PEBP4: variants seen among roughly 807,000 people sequenced by gnomAD.
The protein encoded by PEBP4 is phosphatidylethanolamine-binding protein 4.
A neutral mutation model predicts 23.9 loss-of-function variants in PEBP4; 22 were observed. The observed-to-expected ratio is 0.92, with a 90% CI of 0.66 to 1.31. PEBP4 has a LOEUF of 1.31. Among genes scored for constraint, PEBP4 ranks in the 40% most tolerant of loss-of-function variants. The pLI is 0.00. For synonymous variants in PEBP4, 112 were observed against 99.3 expected, an observed-to-expected ratio of 1.13 and a Z score of -0.76; for missense variants, 324 against 281.7, an observed-to-expected ratio of 1.15 and a Z score of -1.07.
intron 3 of PEBP4, among the ~76,000 whole-genome samples, chr8:22,892,042 C>T (rs113745302): frequency 0.019 from 2,917 of 151,178 alleles, 86 homozygotes; most frequent in African/African-American, 0.066. Flanking sequence ...CACTGCAGTC[C>T]GGCCTGGGCG....
chr8:22,779,157 G>T (rs1029337747), intron 4 of PEBP4, among the ~76,000 whole-genome samples: 1 of 152,048 alleles, frequency 6.6e-6, no homozygotes, highest in African/African-American at 2.4e-5. Flanking sequence ...CCAGAGGAGG[G>T]TTTGGGATCC....
At chr8:22,797,373 T>C (rs1806284157) in intron 4 of PEBP4, among the ~76,000 whole-genome samples, 1 of 148,488 alleles carries the variant, frequency 6.7e-6, no homozygotes, top group East Asian at 2.0e-4. Flanking sequence ...GAGGTGATCA[T>C]GCAGCCCAGC....
chr8:22,810,679 TG>T (rs1563223647), intron 4 of PEBP4, among the ~76,000 whole-genome samples: 7 of 101,766 alleles, frequency 6.9e-5, no homozygotes, highest in Admixed American at 2.0e-4. Context: ...GGTGTGTGTG[TG>T]TGTGTGTGTG....
At chr8:22,850,661 G>A (rs1301849994) in intron 3 of PEBP4, among the ~76,000 whole-genome samples, 1 of 152,192 alleles carries the variant, frequency 6.6e-6, no homozygotes, top group African/African-American at 2.4e-5. Context: ...TCTAGTCTTA[G>A]TTCTTCATTT....
chr8:22,787,927 A>G (rs775601931), intron 4 of PEBP4, among the ~76,000 whole-genome samples: 5 of 152,014 alleles, frequency 3.3e-5, no homozygotes, highest in Non-Finnish European at 7.4e-5. Context: ...TGGGGAAGGG[A>G]AGGGTTTACG....
At chr8:22,739,915 G>C (rs74341292) in intron 4 of PEBP4, among the ~76,000 whole-genome samples, 2 of 152,192 alleles carry the variant, frequency 1.3e-5, no homozygotes, top group African/African-American at 2.4e-5. Flanking sequence ...TGGAGGGGGA[G>C]GGGGTGCCCA....
chr8:22,941,043 C>A (rs963231474), intron 1 of PEBP4, among the ~76,000 whole-genome samples: 1 of 151,912 alleles, frequency 6.6e-6, no homozygotes, highest in Non-Finnish European at 1.5e-5. Flanking sequence ...TCAGAGCCAG[C>A]GGATGTTGAG....
chr8:22,750,104 C>T (rs533827593), intron 4 of PEBP4, among the ~76,000 whole-genome samples: 2 of 151,642 alleles, frequency 1.3e-5, no homozygotes, highest in Non-Finnish European at 2.9e-5. Flanking sequence ...CCGCACCCAG[C>T]CTTTCTTTCT....
chr8:22,798,677 C>G (rs1806313738), intron 4 of PEBP4: 1 of 151,406 alleles, frequency 6.6e-6, no homozygotes, highest in South Asian at 2.1e-4. Context: ...CATTGATCTC[C>G]CTGTGTCATC....
intron 3 of PEBP4, among the ~76,000 whole-genome samples, chr8:22,879,001 T>G (rs960776035): frequency 6.6e-6 from 1 of 152,208 alleles, no homozygotes; most frequent in Non-Finnish European, 1.5e-5. Flanking sequence ...ATCTCCTCTG[T>G]GTTCCTTCAT....
intron 2 of PEBP4, among the ~76,000 whole-genome samples, chr8:22,923,758 G>T (rs762175123): frequency 3.3e-5 from 5 of 152,078 alleles, no homozygotes; most frequent in Admixed American, 6.5e-5. Context: ...CTTATAAAAG[G>T]CACCCTCATA....
At chr8:22,900,913 C>T (rs1808698089) in intron 3 of PEBP4, among the ~76,000 whole-genome samples, 1 of 152,186 alleles carries the variant, frequency 6.6e-6, no homozygotes, top group Non-Finnish European at 1.5e-5. Flanking sequence ...ACATAGTCAG[C>T]TCTCAGGTTT....
intron 3 of PEBP4, among the ~76,000 whole-genome samples, chr8:22,909,595 T>C (rs758551103): frequency 8.5e-5 from 13 of 152,166 alleles, no homozygotes; most frequent in Non-Finnish European, 1.5e-4. Flanking sequence ...TCCCAGGGCC[T>C]GGAGCAGTCC....
intron 3 of PEBP4, among the ~76,000 whole-genome samples, chr8:22,888,515 A>G (rs996916528): frequency 6.6e-6 from 1 of 152,170 alleles, no homozygotes; most frequent in African/African-American, 2.4e-5. Context: ...TGGGGCTTGT[A>G]AGTGAGGTGG....
chr8:22,880,075 A>T (rs1433825170), intron 3 of PEBP4, among the ~76,000 whole-genome samples: 3 of 152,186 alleles, frequency 2.0e-5, no homozygotes, highest in African/African-American at 4.8e-5. Context: ...AGCTCTACCC[A>T]AAGTGGGGCC....
At chr8:22,921,660 G>C (rs1367080123) in intron 2 of PEBP4, among the ~76,000 whole-genome samples, 1 of 152,256 alleles carries the variant, frequency 6.6e-6, no homozygotes, top group African/African-American at 2.4e-5. Flanking sequence ...TCTGGTCTCA[G>C]AGAGTGGAAG....
chr8:22,762,159 A>C (rs1805522468), intron 4 of PEBP4, among the ~76,000 whole-genome samples: 1 of 152,220 alleles, frequency 6.6e-6, no homozygotes, highest in Non-Finnish European at 1.5e-5. Flanking sequence ...ATTAATTTAA[A>C]GAAAAGAAAT....
At chr8:22,878,988 G>A (rs1585320222) in intron 3 of PEBP4, among the ~76,000 whole-genome samples, 1 of 152,126 alleles carries the variant, frequency 6.6e-6, no homozygotes, top group African/African-American at 2.4e-5. Context: ...TGGGGCGGGT[G>A]GTATCTCCTC....
chr8:22,796,865 GGTACACTGAAA>G (rs1169383637), intron 4 of PEBP4, among the ~76,000 whole-genome samples: 1 of 151,848 alleles, frequency 6.6e-6, no homozygotes, highest in African/African-American at 2.4e-5. Flanking sequence ...TTGGGTGATG[GGTACACTGAAA>G]GCACAGACTT....
Sources: gnomAD v4.1 joint callset for allele counts (sites outside exome capture counted in the v4.1 genomes callset) on GRCh38, gnomAD v4.1.1 for gene constraint, MANE v1.5 for transcripts, NCBI Gene and HGNC (gene_info 2026-07-23, HGNC 2026-07-21) for gene names.